The following SLC22A2 variants were observed in gnomAD, a reference collection of about 807,000 sequenced individuals.
The protein encoded by SLC22A2 is organic cation transporter 2.
In SLC22A2, 46 loss-of-function variants were observed where a neutral mutation model predicts 60.5. The observed-to-expected ratio is 0.76, with a 90% CI of 0.60 to 0.97. The LOEUF (loss-of-function observed/expected upper bound fraction) is 0.97. Ranked by LOEUF, SLC22A2 falls within the 50% of genes least tolerant of loss-of-function variation. The pLI is 0.00. For missense variants in SLC22A2, 701 were observed against 706.6 expected (o/e 0.99, Z 0.09); for synonymous variants, 303 against 267.0 (o/e 1.13, Z -1.31).
At chr6:160,253,243 TA>T (rs1445342166) in intron 2 of SLC22A2, among the ~76,000 whole-genome samples, 77 of 152,254 alleles carry the variant, frequency 5.1e-4, no homozygotes, top group African/African-American at 1.8e-3. Context: ...TACTCATATT[TA>T]TTTTTAATTA....
chr6:160,234,745 C>G (rs1379108394), intron 9 of SLC22A2, among the ~76,000 whole-genome samples: 1 of 152,224 alleles, frequency 6.6e-6, no homozygotes, highest in Non-Finnish European at 1.5e-5. Context: ...ACTTTGCAAG[C>G]TCAGAATTGG....
intron 9 of SLC22A2, among the ~76,000 whole-genome samples, chr6:160,237,187 G>A (rs944752112): frequency 2.6e-5 from 4 of 152,152 alleles, no homozygotes; most frequent in Non-Finnish European, 4.4e-5. Context: ...GAAACAAGAG[G>A]GATGGGTAAT....
At chr6:160,219,565 G>A (rs1482953972) in intron 10 of SLC22A2, among the ~76,000 whole-genome samples, 2 of 150,480 alleles carry the variant, frequency 1.3e-5, no homozygotes, top group Non-Finnish European at 2.9e-5. Context: ...GATTGGCTGT[G>A]TGGTTTTGAG....
rs13200653 is a variant in SLC22A2 at position 160,228,999 on chromosome 6, C to T, written c.1502-4195G>A. ...TGCACCCAGGTGAAATAAACAGCCTCGTTGCTCACACAAAGCCTGTTTGGT... is the reference window on the plus strand; with the variant it reads ...TGCACCCAGGTGAAATAAACAGCCTTGTTGCTCACACAAAGCCTGTTTGGT... On this transcript the variant is annotated intron_variant, in intron 9 of 10. Transcript: ENST00000366953. Among the ~76,000 whole-genome samples, 549 of 152,000 alleles carry T rather than the reference C, an allele frequency of 3.6e-3. 6 individuals carry two copies. The highest frequency in any genetic ancestry group is 0.031 in the Middle Eastern group (9 of 294).
In SLC22A2 at chr6:160,258,374, G is replaced by C. The variant is rs746201634; in HGVS notation, c.384C>G (p.Tyr128Ter). ...TGACGATGGACGAGCCAGGCGTCTC[G>C]TACACCCAGCCGTCCCGGCAGGGGC... Reference protein sequence around the residue: ...PLGPCRDGWVYETPGSSIVTE... With the variant: ...PLGPCRDGWV The change falls in exon 1 of 11, where the codon TAC (tyrosine) becomes TAG (stop). Residue 128 changes from tyrosine to a stop codon, truncating the protein, a stop_gained. Coordinates refer to ENST00000366953, the MANE Select transcript of SLC22A2 (RefSeq NM_003058.4). LOFTEE classifies it high-confidence loss of function. The C allele has an allele frequency of 1.2e-6, 2 of 1,612,944 alleles. No individual in the cohort carries two copies. The highest frequency in any genetic ancestry group is 1.7e-5 in the Admixed American group (1 of 59,922).
chr6:160,252,883 G>A (rs555092844), intron 2 of SLC22A2, among the ~76,000 whole-genome samples: 36 of 152,334 alleles, frequency 2.4e-4, no homozygotes, highest in Admixed American at 1.4e-3. Context: ...AAAGGCTCTC[G>A]TGATCCTAAA....
intron 10 of SLC22A2, 48 bp from the exon 11 acceptor site, chr6:160,217,546 G>A: frequency 1.0e-6 from 1 of 993,892 alleles, no homozygotes; most frequent in Non-Finnish European, 1.6e-6. Flanking sequence ...ATTATGAGGA[G>A]GCTGAAAACC....
Position 160,258,740 on chromosome 6 carries a change from G to A in SLC22A2, c.18C>T (p.Asp6=), listed in dbSNP as rs139039970. ...ACTCCCCTCCATGCTCCAGGACATC[G>A]TCCACGGTGGTGGGCATGATCCTGC... MPTTV[D]DVLEHGGEFH... is the part of the protein sequence containing the mutation. Residue 6 remains aspartate, a synonymous_variant, in exon 1 of 11, where the codon GAC becomes GAT. Transcript: ENST00000366953. 23 of 1,562,074 alleles carry A rather than the reference G, an allele frequency of 1.5e-5. No homozygotes were observed. In the African/African-American group the frequency reaches 2.7e-4, roughly 18 times the overall value.
intron 9 of SLC22A2, among the ~76,000 whole-genome samples, chr6:160,235,363 G>A (rs1364165928): frequency 6.6e-6 from 1 of 150,412 alleles, no homozygotes; most frequent in Non-Finnish European, 1.5e-5. Flanking sequence ...GCATGCTCTT[G>A]GCCACCTAGA....
chr6:160,244,676 T>A (rs1442250601), intron 6 of SLC22A2: 2 of 152,210 alleles, frequency 1.3e-5, no homozygotes, highest in African/African-American at 4.8e-5. Context: ...GAAAGAAGGA[T>A]AATGAGGCCA....
At chr6:160,254,779 A>G (rs1380665449) in intron 2 of SLC22A2, among the ~76,000 whole-genome samples, 1 of 152,214 alleles carries the variant, frequency 6.6e-6, no homozygotes, top group East Asian at 1.9e-4. Context: ...GATTTCAACA[A>G]TAGGAACAAA....
At chr6:160,238,090 T>C (rs1782939305) in intron 9 of SLC22A2, among the ~76,000 whole-genome samples, 1 of 152,218 alleles carries the variant, frequency 6.6e-6, no homozygotes, top group Non-Finnish European at 1.5e-5. Flanking sequence ...GGAGCAGCCA[T>C]TCTTTATTTG....
intron 10 of SLC22A2, chr6:160,217,972 G>A (rs757933636): frequency 2.0e-4 from 32 of 159,372 alleles, no homozygotes; most frequent in Non-Finnish European, 3.6e-4. Flanking sequence ...TCTTGTCTTC[G>A]TGAATGCCAG....
intron 4 of SLC22A2, among the ~76,000 whole-genome samples, chr6:160,247,809 A>G (rs1030138622): frequency 3.3e-5 from 5 of 152,210 alleles, no homozygotes; most frequent in African/African-American, 1.2e-4. Flanking sequence ...GAGCAAGACT[A>G]GAACTATTGA....
intron 3 of SLC22A2, 118 bp from the exon 4 acceptor site, chr6:160,249,502 G>T: frequency 1.4e-6 from 1 of 729,740 alleles, no homozygotes; most frequent in Non-Finnish European, 2.3e-6. Flanking sequence ...AATATTCTAC[G>T]CAACTCTCTG....
intron 10 of SLC22A2, among the ~76,000 whole-genome samples, chr6:160,223,488 T>G (rs529188430): frequency 6.6e-6 from 1 of 152,318 alleles, no homozygotes; most frequent in East Asian, 1.9e-4. Flanking sequence ...TTGGAGAACT[T>G]TCCTTGTCAG....
At chr6:160,228,133 G>A (rs1328268939) in intron 9 of SLC22A2, among the ~76,000 whole-genome samples, 2 of 152,156 alleles carry the variant, frequency 1.3e-5, no homozygotes, top group African/African-American at 4.8e-5. Context: ...ATTATTCTAT[G>A]GATTTGCCCT....
chr6:160,244,034 T>C (rs1346698917), intron 6 of SLC22A2, among the ~76,000 whole-genome samples: 1 of 152,166 alleles, frequency 6.6e-6, no homozygotes, highest in Admixed American at 6.5e-5. Flanking sequence ...ATTACGATAA[T>C]GTTTCCTGGA....
chr6:160,246,683 A>C (rs144484152), intron 5 of SLC22A2, among the ~76,000 whole-genome samples: 5 of 152,144 alleles, frequency 3.3e-5, no homozygotes, highest in South Asian at 2.1e-4. Flanking sequence ...GGAAGTGGAG[A>C]TTGCAGTGAG....
Sources: gnomAD v4.1 joint callset for allele counts (sites outside exome capture counted in the v4.1 genomes callset) on GRCh38, gnomAD v4.1.1 for gene constraint, MANE v1.5 for transcripts, NCBI Gene and HGNC (gene_info 2026-07-23, HGNC 2026-07-21) for gene names.